Variants in SOX5 observed in about 807,000 individuals in gnomAD.
SOX5 encodes SRY-box transcription factor 5.
In SOX5, 9 loss-of-function variants were observed where a neutral mutation model predicts 92.0. The ratio of observed to expected loss-of-function variants is 0.10; its 90% CI spans 0.06 to 0.17. The LOEUF (loss-of-function observed/expected upper bound fraction) is 0.17, where lower values mean the gene tolerates loss of function less well. SOX5 is among the 10% of genes least tolerant of loss of function. The pLI, the probability that SOX5 is intolerant of heterozygous loss-of-function variation, is 1.00. For synonymous variants in SOX5, 344 were observed against 336.3 expected, an observed-to-expected ratio of 1.02 and a Z score of -0.25; for missense variants, 642 against 944.5, an observed-to-expected ratio of 0.68 and a Z score of 4.20.
intron 1 of SOX5, among the ~76,000 whole-genome samples, chr12:24,532,618 C>T (rs1438213168): frequency 1.3e-5 from 2 of 152,136 alleles, no homozygotes; most frequent in Non-Finnish European, 2.9e-5. Context: ...GTATCTAAAA[C>T]AAATTCACCA....
At chr12:23,830,974 G>C (rs1489971443) in intron 3 of SOX5, among the ~76,000 whole-genome samples, 1 of 152,098 alleles carries the variant, frequency 6.6e-6, no homozygotes, top group Non-Finnish European at 1.5e-5. Flanking sequence ...CCAGGGGCCT[G>C]TCTTTGCTAC....
chr12:24,017,977 C>CT (rs1953853145), intron 4 of SOX5, among the ~76,000 whole-genome samples: 1 of 152,178 alleles, frequency 6.6e-6, no homozygotes, highest in African/African-American at 2.4e-5. Context: ...ACTCTGCTCC[C>CT]GTTAACTCAG....
At chr12:24,484,477 C>T (rs1465835186) in intron 1 of SOX5, among the ~76,000 whole-genome samples, 1 of 152,132 alleles carries the variant, frequency 6.6e-6, no homozygotes, top group Non-Finnish European at 1.5e-5. Context: ...TTGCTTCTTT[C>T]TTCTAGGAAA....
chr12:23,848,516 C>A (rs1568315765), intron 2 of SOX5, among the ~76,000 whole-genome samples: 2 of 152,162 alleles, frequency 1.3e-5, no homozygotes, highest in Admixed American at 6.6e-5. Flanking sequence ...ATCTCCTTAA[C>A]AGTTTTATGT....
At chr12:23,617,561 C>T (rs1325192024) in intron 8 of SOX5, among the ~76,000 whole-genome samples, 1 of 152,100 alleles carries the variant, frequency 6.6e-6, no homozygotes, top group Admixed American at 6.6e-5. Context: ...ATGAAGCTAT[C>T]AATGAGGGGT....
intron 6 of SOX5, among the ~76,000 whole-genome samples, chr12:23,679,705 C>A (rs1303185117): frequency 1.3e-5 from 2 of 151,990 alleles, no homozygotes; most frequent in Non-Finnish European, 2.9e-5. Flanking sequence ...TGTAGAATAA[C>A]CCAGTTCAGT....
intron 10 of SOX5, among the ~76,000 whole-genome samples, chr12:23,564,157 A>G (rs1295809690): frequency 1.3e-5 from 2 of 152,218 alleles, no homozygotes; most frequent in Non-Finnish European, 2.9e-5. Flanking sequence ...GTCCATGGTT[A>G]GTAATACACA....
At chr12:24,323,829 T>C (rs1044717217) in intron 2 of SOX5, among the ~76,000 whole-genome samples, 4 of 152,004 alleles carry the variant, frequency 2.6e-5, no homozygotes, top group Non-Finnish European at 5.9e-5. Flanking sequence ...ACCAATAAAG[T>C]TTATTTATAT....
chr12:24,018,701 G>A (rs981584170), intron 4 of SOX5, among the ~76,000 whole-genome samples: 2 of 152,136 alleles, frequency 1.3e-5, no homozygotes, highest in African/African-American at 4.8e-5. Flanking sequence ...GGAGACTGAG[G>A]CAGGAGAATC....
At chr12:23,689,660 T>C (rs2088375880) in intron 6 of SOX5, among the ~76,000 whole-genome samples, 2 of 152,128 alleles carry the variant, frequency 1.3e-5, no homozygotes, top group African/African-American at 4.8e-5. Context: ...ATACATGCCA[T>C]ATACATCACC....
At chr12:23,983,511 T>C (rs1041631062) in intron 4 of SOX5, among the ~76,000 whole-genome samples, 1 of 152,204 alleles carries the variant, frequency 6.6e-6, no homozygotes, top group African/African-American at 2.4e-5. Flanking sequence ...CTTTTCCTCA[T>C]CTGTAAAATT....
chr12:23,703,824 A>G (rs1030989618), intron 6 of SOX5, among the ~76,000 whole-genome samples: 16 of 151,862 alleles, frequency 1.1e-4, no homozygotes, highest in African/African-American at 3.9e-4. Context: ...CCTATTGCCC[A>G]TAAATCTAAG....
At chr12:24,190,722 A>G (rs924397631) in intron 4 of SOX5, among the ~76,000 whole-genome samples, 1 of 152,244 alleles carries the variant, frequency 6.6e-6, no homozygotes, top group Non-Finnish European at 1.5e-5. Flanking sequence ...CCAATATTTC[A>G]TGTGTCACCA....
At chr12:23,546,215 G>C in intron 12 of SOX5, 101 bp downstream of exon 12, 1 of 690,246 alleles carries the variant, frequency 1.4e-6, no homozygotes, top group Non-Finnish European at 2.6e-6. Context: ...GTAATGATGA[G>C]GTATGAGGTG....
chr12:24,414,366 A>T (rs1472361950), intron 1 of SOX5, among the ~76,000 whole-genome samples: 2 of 152,194 alleles, frequency 1.3e-5, no homozygotes, highest in Admixed American at 1.3e-4. Flanking sequence ...GGGGGAAAAA[A>T]AATCAGCTTT....
In SOX5 at chr12:24,322,574, T is replaced by C. The variant is rs75781767; in HGVS notation, c.-173-45262A>G. Among the ~76,000 whole-genome samples, 1,175 of 152,276 alleles carry C rather than the reference T, an allele frequency of 7.7e-3. 15 individuals carry two copies. The highest frequency in any genetic ancestry group is 0.027 in the African/African-American group (1,138 of 41,570). On this transcript the variant is annotated intron_variant, in intron 2 of 4. Transcript: ENST00000446891. ...CTGACCTAAATTTTCTTTCCTCTTG[T>C]AAAAAGTCTGAAACTGTTATGTTGG...
chr12:23,744,055 T>C (rs190591362), intron 4 of SOX5, among the ~76,000 whole-genome samples: 7 of 152,352 alleles, frequency 4.6e-5, no homozygotes, highest in Non-Finnish European at 8.8e-5. Flanking sequence ...TCAGCCCATC[T>C]TGCTGCATCT....
At chr12:23,599,527 G>T (rs143751309) in intron 9 of SOX5, among the ~76,000 whole-genome samples, 50 of 152,298 alleles carry the variant, frequency 3.3e-4, no homozygotes, top group African/African-American at 1.2e-3. Flanking sequence ...ATTCTCTCTT[G>T]TCATCAGCTT....
At chr12:23,761,582 CCTA>C (rs1290565094) in intron 3 of SOX5, among the ~76,000 whole-genome samples, 1 of 152,078 alleles carries the variant, frequency 6.6e-6, no homozygotes, top group East Asian at 1.9e-4. Context: ...AAATAACTTG[CCTA>C]ATATCACAAA....
Sources: gnomAD v4.1 joint callset for allele counts (sites outside exome capture counted in the v4.1 genomes callset) on GRCh38, gnomAD v4.1.1 for gene constraint, MANE v1.5 for transcripts, NCBI Gene and HGNC (gene_info 2026-07-23, HGNC 2026-07-21) for gene names.